Variants in PHLDB3 observed in about 807,000 individuals in gnomAD.
PHLDB3 encodes the protein pleckstrin homology-like domain family B member 3.
In PHLDB3, 86 loss-of-function variants were observed where a neutral mutation model predicts 85.7. The observed-to-expected ratio is 1.00, with a 90% CI of 0.84 to 1.20. The LOEUF (loss-of-function observed/expected upper bound fraction) is 1.20, where lower values mean the gene tolerates loss of function less well. Ranked by LOEUF, PHLDB3 falls within the 50% of genes most tolerant of loss-of-function variation. The pLI is 0.00. For missense variants in PHLDB3, 995 were observed against 873.0 expected, an observed-to-expected ratio of 1.14 and a Z score of -1.76; for synonymous variants, 376 against 349.8, an observed-to-expected ratio of 1.07 and a Z score of -0.83.
intron 9 of PHLDB3, among the ~76,000 whole-genome samples, chr19:43,491,448 C>T (rs181734060): frequency 6.6e-6 from 1 of 152,128 alleles, no homozygotes; most frequent in Non-Finnish European, 1.5e-5. Context: ...AGAACAGACC[C>T]TGACCTATAT....
At chr19:43,479,890 A>G (rs1385641565) in intron 13 of PHLDB3, among the ~76,000 whole-genome samples, 2 of 152,054 alleles carry the variant, frequency 1.3e-5, no homozygotes, top group East Asian at 3.9e-4. Flanking sequence ...GGTCACACAG[A>G]GCTTCTAGGC....
Position 43,487,574 on chromosome 19 carries a change from C to CAAAAAAAAA in PHLDB3, c.1150-460_1150-452dup, listed in dbSNP as rs760708749. On this transcript the variant is annotated intron_variant, in intron 9 of 15. Transcript: ENST00000292140. ...TGGGCGACAGAGCAAGACTCTGTCT[C>CAAAAAAAAA]AAAAAAAAAAAAAAAAAACACAGAA... Among the ~76,000 whole-genome samples, 188 of 38,498 alleles carry CAAAAAAAAA rather than the reference C, an allele frequency of 4.9e-3. 7 individuals are homozygous for CAAAAAAAAA. Among genetic ancestry groups the CAAAAAAAAA allele is most frequent in the African/African-American group, 0.015 (151 of 10,020 alleles). 25.3% of individuals were successfully genotyped at this position (38,498 alleles called of 152,430 possible).
At position 43,486,250 on chromosome 19, in the gene PHLDB3, C is replaced by A. The variant is rs758764460; in HGVS notation, c.1485+16G>T. 6.7e-7 allele frequency: 1 copy of A among 1,502,378 alleles called. No individual in the cohort carries two copies. The highest frequency in any genetic ancestry group is 9.0e-7 in the Non-Finnish European group (1 of 1,113,976). 93.1% of individuals were successfully genotyped at this position (1,502,378 alleles called of 1,614,324 possible). A position where few individuals can be genotyped will look rare whatever the true frequency, so the allele number is the denominator to read the frequency against. Reference sequence around the variant, plus strand: ...GAGCAGGGAGAGGTGGGCGTGAGGGCGGGGGTGGGACTGACCGTGATGGCA... The same window carrying A: ...GAGCAGGGAGAGGTGGGCGTGAGGGAGGGGGTGGGACTGACCGTGATGGCA... On this transcript the variant is annotated intron_variant, in intron 13 of 15. Transcript: ENST00000292140.
intron 7 of PHLDB3, 75 bp from the exon 8 acceptor site, chr19:43,495,414 A>T: frequency 6.3e-7 from 1 of 1,598,600 alleles, no homozygotes; most frequent in Non-Finnish European, 8.5e-7. Flanking sequence ...ATGTCAGGAG[A>T]CATCTGGGGT....
intron 2 of PHLDB3, 61 bp downstream of exon 2, chr19:43,503,845 G>A: frequency 6.3e-7 from 1 of 1,596,894 alleles, no homozygotes; most frequent in Non-Finnish European, 8.6e-7. Context: ...TACCTGTCTG[G>A]CCACCTGTTT....
chr19:43,500,891 C>G lies in PHLDB3; in HGVS notation c.534+843G>C, dbSNP rs560842048. ...GTCTTGGCCTCAAGCGATCCTCCCA[C>G]TTTGCCCCGCCCCCCGTACCCCCCC... On this transcript the variant is annotated intron_variant, in intron 4 of 15. Transcript: ENST00000292140. 3.0e-3 allele frequency among the ~76,000 whole-genome samples: 277 copies of G among 93,258 alleles called. 23 individuals carry two copies. The highest frequency in any genetic ancestry group is 0.012 in the African/African-American group (252 of 21,428). 61.2% of individuals were successfully genotyped at this position (93,258 alleles called of 152,430 possible).
chr19:43,499,137 C>A (rs1415075657), intron 4 of PHLDB3, among the ~76,000 whole-genome samples: 1 of 151,288 alleles, frequency 6.6e-6, no homozygotes, highest in Non-Finnish European at 1.5e-5. Flanking sequence ...GGGGCCTGGG[C>A]GGTGGGGCTG....
At chr19:43,487,592 A>AAAAAAAAAAAAAACC in intron 9 of PHLDB3, among the ~76,000 whole-genome samples, 1 of 129,432 alleles carries the variant, frequency 7.7e-6, no homozygotes, top group East Asian at 2.3e-4. Flanking sequence ...AAAAAAAAAA[A>AAAAAAAAAAAAAACC]CACAGAAAAG....
intron 7 of PHLDB3, 45 bp from the exon 8 acceptor site, chr19:43,495,384 T>C (rs1432474868): frequency 1.2e-6 from 2 of 1,603,112 alleles, no homozygotes; most frequent in South Asian, 2.2e-5. Context: ...CAGAATGGGC[T>C]GTCCCAGCTG....
Position 43,497,196 on chromosome 19 carries a change from C to T in PHLDB3, c.747G>A (p.Glu249=), listed in dbSNP as rs749373171. Residue 249 remains glutamate, a synonymous_variant, in exon 6 of 16, where the codon GAG becomes GAA. Coordinates refer to ENST00000292140, the MANE Select transcript of PHLDB3 (RefSeq NM_198850.4). ...GGGGCCCAGGGCTGTCCCGATCCTC[C>T]TCCTCCTGCCGGCTCTCCCGCTCCA... ...QQLERESRQE[E]EDRDSPGPQV... The T allele has an allele frequency of 7.1e-5, 111 of 1,562,210 alleles. No individual in the cohort carries two copies. Among genetic ancestry groups the T allele is most frequent in the Non-Finnish European group, 9.3e-5 (108 of 1,156,668 alleles).
chr19:43,486,259 G>T lies in PHLDB3; in HGVS notation c.1485+7C>A. ...GAGGTGGGCGTGAGGGCGGGGGTGG[G>T]ACTGACCGTGATGGCAGGAACAGCA... On this transcript the variant is annotated splice_region_variant and intron_variant, in intron 13 of 15. Coordinates refer to ENST00000292140, the MANE Select transcript of PHLDB3 (RefSeq NM_198850.4). The T allele has an allele frequency of 4.5e-6, 3 of 665,682 alleles. No individual in the cohort carries two copies. The highest frequency in any genetic ancestry group is 1.4e-5 in the South Asian group (1 of 72,488). 41.2% of individuals were successfully genotyped at this position (665,682 alleles called of 1,614,324 possible).
At chr19:43,497,713 A>G in intron 5 of PHLDB3, 35 bp downstream of exon 5, 12 of 1,545,556 alleles carry the variant, frequency 7.8e-6, no homozygotes, top group East Asian at 2.4e-5. Context: ...CTCTGTCTCA[A>G]AAAAAACAAA....
At position 43,504,115 on chromosome 19, in the gene PHLDB3, C is replaced by G. The variant is rs1196614228; in HGVS notation, c.4G>C (p.Gly2Arg). ...CCCTCCTCGGGGCTGCTTCGCGTCC[C>G]CATGGCCGCTGGGACTCCTGCGGGG... is the stretch of plus-strand genomic sequence containing the variant. MGTRSSPEEGTP... is the reference protein window; with the variant it reads MRTRSSPEEGTP... The change falls in exon 2 of 16, where the codon GGG (glycine) becomes CGG (arginine). Residue 2 changes from glycine to arginine, a missense_variant. Transcript: ENST00000292140. The G allele has an allele frequency of 1.3e-6, 2 of 1,596,286 alleles. No homozygotes were observed. The highest frequency in any genetic ancestry group is 1.7e-6 in the Non-Finnish European group (2 of 1,172,306).
In PHLDB3 at chr19:43,492,805, C is replaced by G. The variant is rs556409084; in HGVS notation, c.1149+1897G>C. The stretch of plus-strand genomic sequence containing the variant: ...TTTGTTGCAAAGACAAATCAGTAAG[C>G]CAATCAGCATGAAGCATTTGTAACC... On this transcript the variant is annotated intron_variant, in intron 9 of 15. Transcript: ENST00000292140. Among the ~76,000 whole-genome samples, 10 of 152,092 alleles carry G rather than the reference C, an allele frequency of 6.6e-5. No individual in the cohort carries two copies. In the East Asian group the frequency reaches 1.9e-3, roughly 29 times the overall value.
intron 13 of PHLDB3, among the ~76,000 whole-genome samples, chr19:43,481,130 C>T (rs1685524977): frequency 6.6e-6 from 1 of 151,936 alleles, no homozygotes; most frequent in Admixed American, 6.6e-5. Flanking sequence ...TGACAAGCTC[C>T]CAGGTGGGCC....
intron 2 of PHLDB3, among the ~76,000 whole-genome samples, 178 bp downstream of exon 2, chr19:43,503,728 T>C (rs1971675763): frequency 6.6e-6 from 1 of 152,170 alleles, no homozygotes; most frequent in Non-Finnish European, 1.5e-5. Context: ...TGCCTCTGCC[T>C]CTCTGGCTCC....
In PHLDB3 at chr19:43,494,689, G is replaced by A. The variant is rs374390719; in HGVS notation, c.1149+13C>T. 133 of 1,592,632 alleles carry A rather than the reference G, an allele frequency of 8.4e-5. No individual in the cohort carries two copies. The highest frequency in any genetic ancestry group is 1.7e-4 in the Middle Eastern group (1 of 6,044). ...TAAGATATATGGGGAAACAGAGGCC[G>A]TGGGGGAGGCACCTGCAGGGAGCTG... On this transcript the variant is annotated intron_variant, in intron 9 of 15. Coordinates refer to ENST00000292140, the MANE Select transcript of PHLDB3 (RefSeq NM_198850.4).
chr19:43,492,144 G>T (rs1426156441), intron 9 of PHLDB3, among the ~76,000 whole-genome samples: 1 of 151,340 alleles, frequency 6.6e-6, no homozygotes, highest in Non-Finnish European at 1.5e-5. Context: ...GTAGAGACGG[G>T]GTTTCACCAT....
chr19:43,487,094 G>A lies in PHLDB3; in HGVS notation c.1179C>T (p.Ser393=). The A allele has an allele frequency of 6.4e-7, 1 of 1,569,996 alleles. No homozygotes were observed. Among genetic ancestry groups the A allele is most frequent in the Non-Finnish European group, 8.6e-7 (1 of 1,157,516 alleles). Reference sequence around the variant, plus strand: ...CCCTCTCCCCCCTTTTCCGGGGCAGGCTCCCAGTCCTCTGGAGGCCAATGG... The same window carrying A: ...CCCTCTCCCCCCTTTTCCGGGGCAGACTCCCAGTCCTCTGGAGGCCAATGG... ...QGSIGLQRTG[S]LPRKRGERGS... Residue 393 remains serine (S), a synonymous_variant, in exon 10 of 16, where the codon AGC becomes AGT. Coordinates refer to ENST00000292140, the MANE Select transcript of PHLDB3 (RefSeq NM_198850.4).
Sources: gnomAD v4.1 joint callset for allele counts (sites outside exome capture counted in the v4.1 genomes callset) on GRCh38, gnomAD v4.1.1 for gene constraint, MANE v1.5 for transcripts, NCBI Gene and HGNC (gene_info 2026-07-23, HGNC 2026-07-21) for gene names.